The following SLC47A1 variants were observed in gnomAD, a reference collection of about 807,000 sequenced individuals.
The protein encoded by SLC47A1 is multidrug and toxin extrusion protein 1.
SLC47A1 carries 58 observed loss-of-function variants against 65.8 expected under a neutral mutation model. The observed-to-expected ratio is 0.88, with a 90% CI of 0.71 to 1.10. The LOEUF is 1.10. Ranked by LOEUF, SLC47A1 falls within the 50% of genes least tolerant of loss-of-function variation. The pLI is 0.00. For synonymous variants in SLC47A1, 285 were observed against 295.0 expected, an observed-to-expected ratio of 0.97 and a Z score of 0.35; for missense variants, 706 against 719.2, an observed-to-expected ratio of 0.98 and a Z score of 0.21.
chr17:19,560,215 A>G lies in SLC47A1; in HGVS notation c.949A>G (p.Ser317Gly). Residue 317 changes from serine (S) to glycine (G), a missense_variant, in exon 11 of 17, where the codon AGT (serine) becomes GGT (glycine). Transcript: ENST00000270570. ...MVPAGFSVAA[S>G]VRVGNALGAG... ...CCCTGCAGGCTTCAGTGTGGCTGCC[A>G]GTGTCCGGGTAGGAAACGCTCTGGG... is the stretch of plus-strand genomic sequence containing the variant. 1 of 1,613,142 alleles carries G rather than the reference A, an allele frequency of 6.2e-7. No individual in the cohort carries two copies. Among genetic ancestry groups the G allele is most frequent in the East Asian group, 2.2e-5 (1 of 44,886 alleles).
intron 1 of SLC47A1, among the ~76,000 whole-genome samples, chr17:19,537,288 G>A (rs1916014384): frequency 6.6e-6 from 1 of 152,134 alleles, no homozygotes; most frequent in East Asian, 1.9e-4. Flanking sequence ...GGGGTGAGGT[G>A]GGGGATCTGG....
intron 16 of SLC47A1, 72 bp downstream of exon 16, chr17:19,572,933 A>C (rs2084411772): frequency 7.6e-7 from 1 of 1,318,840 alleles, no homozygotes; most frequent in Admixed American, 1.7e-5. Flanking sequence ...AGTGAGACAC[A>C]GCTAGATTTG....
intron 12 of SLC47A1, among the ~76,000 whole-genome samples, chr17:19,562,062 C>T (rs1392032135): frequency 3.3e-5 from 5 of 152,286 alleles, no homozygotes; most frequent in Non-Finnish European, 7.3e-5. Flanking sequence ...TGTGTACATT[C>T]GGACTATATA....
chr17:19,555,799 G>C lies in SLC47A1; in HGVS notation c.743G>C (p.Trp248Ser). 6.2e-7 allele frequency: 1 copy of C among 1,613,486 alleles called. No homozygotes were observed. Among genetic ancestry groups the C allele is most frequent in the Non-Finnish European group, 8.5e-7 (1 of 1,179,994 alleles). ...AATGTGTGTGTCCCCCCCACAGGCTGGTCCCTCGAGTGCCTGCAGGACTGG... is the reference window on the plus strand; with the variant it reads ...AATGTGTGTGTCCCCCCCACAGGCTCGTCCCTCGAGTGCCTGCAGGACTGG... ...KKLHQATWGGWSLECLQDWAS... is the reference protein window; with the variant it reads ...KKLHQATWGGSSLECLQDWAS... The change falls in exon 9 of 17, where the codon TGG becomes TCG. Residue 248 changes from tryptophan to serine, a missense_variant. Transcript: ENST00000270570.
At chr17:19,540,426 T>G (rs1411145516) in intron 1 of SLC47A1, among the ~76,000 whole-genome samples, 1 of 152,220 alleles carries the variant, frequency 6.6e-6, no homozygotes, top group African/African-American at 2.4e-5. Context: ...TGAACAGATT[T>G]GGAAGTGATG....
chr17:19,577,181 A>G (rs2084447346), intron 16 of SLC47A1, 146 bp from the exon 17 acceptor site: 2 of 1,195,086 alleles, frequency 1.7e-6, no homozygotes, highest in South Asian at 3.3e-5. Context: ...CTCTGCGATA[A>G]GATTTCTTTT....
chr17:19,537,512 T>C (rs913652215), intron 1 of SLC47A1, among the ~76,000 whole-genome samples: 2 of 152,078 alleles, frequency 1.3e-5, no homozygotes, highest in Non-Finnish European at 2.9e-5. Context: ...TGAGAGGAAG[T>C]AGTCAAAGAT....
chr17:19,543,884 C>T (rs748424939), intron 2 of SLC47A1, among the ~76,000 whole-genome samples: 12 of 152,196 alleles, frequency 7.9e-5, no homozygotes, highest in Admixed American at 3.3e-4. Flanking sequence ...CCATGAACTA[C>T]GCGAAACGCC....
chr17:19,539,704 T>C (rs1458356153), intron 1 of SLC47A1, among the ~76,000 whole-genome samples: 5 of 152,182 alleles, frequency 3.3e-5, no homozygotes. Context: ...CAGACTGGTC[T>C]CGAACTTCTG....
At position 19,556,025 on chromosome 17, in the gene SLC47A1, A is replaced by G; in HGVS notation, c.884A>G (p.Gln295Arg). 6.2e-7 allele frequency: 1 copy of G among 1,614,204 alleles called. No individual in the cohort carries two copies. The highest frequency in any genetic ancestry group is 8.5e-7 in the Non-Finnish European group (1 of 1,180,032). The change falls in exon 10 of 17, where the codon CAG (glutamine) becomes CGG (arginine). Residue 295 changes from glutamine (Q) to arginine (R), a missense_variant. By Grantham distance (43) the Gln-to-Arg change is conservative. Coordinates refer to ENST00000270570, the MANE Select transcript of SLC47A1 (RefSeq NM_018242.3). Reference protein sequence around the residue: ...GILGMVELGAQSIVYELAIIV... With the variant: ...GILGMVELGARSIVYELAIIV... ...CTCGGCATGGTGGAGCTGGGCGCTC[A>G]GTCCATCGTGTATGAACTGGCCATC... is the stretch of plus-strand genomic sequence containing the variant.
Position 19,571,594 on chromosome 17 carries a change from C to G in SLC47A1, c.1404+22C>G, listed in dbSNP as rs748972756. On this transcript the variant is annotated intron_variant, in intron 15 of 16. Coordinates refer to ENST00000270570, the MANE Select transcript of SLC47A1 (RefSeq NM_018242.3). ...GCAGGTAACTATGTTCATTCTGTCC[C>G]GGTAAAGGTTCCTCTCCTAGAAAAA... 1.9e-6 allele frequency: 3 copies of G among 1,584,304 alleles called. No homozygotes were observed. The African/African-American group carries it at 4.1e-5, about 21-fold the overall frequency.
chr17:19,565,620 G>A (rs1055212798), intron 12 of SLC47A1, among the ~76,000 whole-genome samples: 10 of 126,354 alleles, frequency 7.9e-5, no homozygotes, highest in Non-Finnish European at 1.4e-4. Context: ...TCGCTCTGTC[G>A]CCCAGGCTGG....
chr17:19,551,625 A>C (rs946041604), intron 6 of SLC47A1, among the ~76,000 whole-genome samples, 157 bp downstream of exon 6: 5 of 152,212 alleles, frequency 3.3e-5, no homozygotes, highest in Middle Eastern at 3.2e-3. Context: ...TTGTGCACAC[A>C]GAACTTGGAT....
intron 6 of SLC47A1, among the ~76,000 whole-genome samples, chr17:19,554,595 C>T (rs1297828126): frequency 6.6e-6 from 1 of 152,154 alleles, no homozygotes; most frequent in Non-Finnish European, 1.5e-5. Context: ...TTTCCTTTTA[C>T]GTTTGCACTG....
intron 7 of SLC47A1, 131 bp downstream of exon 7, chr17:19,555,440 G>GCA: frequency 7.8e-7 from 1 of 1,281,070 alleles, no homozygotes; most frequent in Non-Finnish European, 1.1e-6. Context: ...ACTGTGGAAA[G>GCA]CACTGTCAGG....
chr17:19,567,385 A>G (rs1186205995), intron 14 of SLC47A1, among the ~76,000 whole-genome samples, 157 bp downstream of exon 14: 3 of 152,074 alleles, frequency 2.0e-5, no homozygotes, highest in African/African-American at 4.8e-5. Context: ...GGCGTTCAGG[A>G]GGTGACCTCC....
chr17:19,562,329 G>A (rs2152315728), intron 12 of SLC47A1, among the ~76,000 whole-genome samples: 1 of 152,268 alleles, frequency 6.6e-6, no homozygotes, highest in African/African-American at 2.4e-5. Flanking sequence ...TTGGGAGGCT[G>A]AGGCAGATGG....
chr17:19,543,860 T>A (rs1016559700), intron 2 of SLC47A1, among the ~76,000 whole-genome samples: 2 of 152,212 alleles, frequency 1.3e-5, no homozygotes, highest in African/African-American at 4.8e-5. Flanking sequence ...TCGCCAGGCA[T>A]TTGAGTTTGC....
chr17:19,534,521 T>G (rs1166240578), intron 1 of SLC47A1: 1 of 154,710 alleles, frequency 6.5e-6, no homozygotes, highest in Non-Finnish European at 1.4e-5. Context: ...CTTGTTTCTT[T>G]GAAAAGTAGC....
Sources: allele counts gnomAD v4.1 joint callset (sites outside exome capture counted in the v4.1 genomes callset), GRCh38; gene constraint gnomAD v4.1.1; transcripts MANE v1.5; gene names NCBI Gene and HGNC (gene_info 2026-07-23, HGNC 2026-07-21).